The following PMEPA1 variants were observed in gnomAD, a reference collection of about 807,000 sequenced individuals.
PMEPA1 encodes the protein protein TMEPAI.
A neutral mutation model predicts 23.0 loss-of-function variants in PMEPA1; 11 were observed. That is an observed-to-expected ratio of 0.48 (90% CI 0.30 to 0.79). The LOEUF (loss-of-function observed/expected upper bound fraction) is 0.79, where lower values mean the gene tolerates loss of function less well. PMEPA1 is among the 30% of genes least tolerant of loss of function. The pLI is 0.06. For synonymous variants in PMEPA1, 204 were observed against 166.4 expected (o/e 1.23, Z -1.74); for missense variants, 377 against 390.9 (o/e 0.96, Z 0.30).
intron 1 of PMEPA1, among the ~76,000 whole-genome samples, chr20:57,693,054 G>A (rs1400837459): frequency 6.6e-6 from 1 of 152,208 alleles, no homozygotes; most frequent in East Asian, 1.9e-4. Flanking sequence ...GCAAAACCAC[G>A]ATGTTCACGC....
At chr20:57,678,153 AACAC>A (rs971351919) in intron 1 of PMEPA1, among the ~76,000 whole-genome samples, 9 of 152,136 alleles carry the variant, frequency 5.9e-5, no homozygotes, top group Non-Finnish European at 1.0e-4. Context: ...CATTGAACGA[AACAC>A]ACACACAGAC....
chr20:57,656,155 G>A lies in PMEPA1; in HGVS notation c.265-3069C>T, dbSNP rs1222276301. Among the ~76,000 whole-genome samples the A allele has an allele frequency of 1.3e-5, 2 of 151,198 alleles. No individual in the cohort carries two copies. Among genetic ancestry groups the A allele is most frequent in the African/African-American group, 4.9e-5 (2 of 41,230 alleles). On this transcript the variant is annotated intron_variant, in intron 2 of 3. Transcript: ENST00000341744. The surrounding 1 kb of genome is among the most constrained non-coding windows in gnomAD (Gnocchi z 4.7). ...AGATGTTTCTAAAGAATAAAGAGAT[G>A]TTCCTAAAAAATTCGGTACCTCCCA...
Position 57,709,605 on chromosome 20 carries a change from G to T in PMEPA1, c.-23C>A, listed in dbSNP as rs767243583. On this transcript the variant is annotated 5_prime_UTR_variant, in exon 1 of 4. Coordinates refer to ENST00000341744, the MANE Select transcript of PMEPA1 (RefSeq NM_020182.5). ...CATGGACGGCGCGGCGGCGCGGCGCGGGGCGCGGGGGGCTCGGGGGCGGCC... is the reference window on the plus strand; with the variant it reads ...CATGGACGGCGCGGCGGCGCGGCGCTGGGCGCGGGGGGCTCGGGGGCGGCC... 61 of 991,866 alleles carry T rather than the reference G, an allele frequency of 6.2e-5. No individual in the cohort carries two copies. The African/African-American group carries it at 1.0e-3, about 16-fold the overall frequency. The allele number at this position is 991,866 out of a possible 1,614,324, so 61.4% of individuals were successfully genotyped here. A position where few individuals can be genotyped will look rare whatever the true frequency, so the allele number is the denominator to read the frequency against.
intron 1 of PMEPA1, among the ~76,000 whole-genome samples, chr20:57,698,082 G>A (rs2071964909): frequency 6.6e-6 from 1 of 152,090 alleles, no homozygotes; most frequent in African/African-American, 2.4e-5. Flanking sequence ...GACTTGAAAC[G>A]TCTCTCCAGG....
chr20:57,668,055 G>A (rs6025713), intron 1 of PMEPA1, among the ~76,000 whole-genome samples: 62 of 152,122 alleles, frequency 4.1e-4, no homozygotes, highest in African/African-American at 1.4e-3. Context: ...CGGTTTTCTC[G>A]TTTTTAAAAC....
intron 1 of PMEPA1, among the ~76,000 whole-genome samples, chr20:57,665,507 C>CAA (rs77601752): frequency 0.057 from 4,905 of 85,960 alleles, 130 homozygotes; most frequent in African/African-American, 0.089. Context: ...CCTCATCTGT[C>CAA]AAAAAAAAAA....
intron 1 of PMEPA1, among the ~76,000 whole-genome samples, chr20:57,667,731 G>A (rs940524671): frequency 1.3e-5 from 2 of 152,182 alleles, no homozygotes; most frequent in Admixed American, 6.5e-5. Context: ...GATGAGACCC[G>A]CCTGGCGGGG....
chr20:57,710,337 C>A, upstream of PMEPA1: 2 of 1,029,582 alleles, frequency 1.9e-6, no homozygotes, highest in Non-Finnish European at 1.3e-6. Context: ...CCCCTCGCCC[C>A]CGTCCCTGGG....
In PMEPA1 at chr20:57,648,864, A is replaced by G. The variant is rs951717043; in HGVS notation, c.*3189T>C. 2 of 152,180 alleles carry G rather than the reference A, an allele frequency of 1.3e-5. No homozygotes were observed. The highest frequency in any genetic ancestry group is 4.8e-5 in the African/African-American group (2 of 41,440). 9.4% of individuals were successfully genotyped at this position (152,180 alleles called of 1,614,324 possible). On this transcript the variant is annotated 3_prime_UTR_variant, in exon 4 of 4. Transcript: ENST00000341744. ...AATTTCTCTGAAACGTACAATTCAT[A>G]GGGACGACCAATGAGGACAGGGAAT...
chr20:57,669,201 C>T (rs977222015), intron 1 of PMEPA1, among the ~76,000 whole-genome samples: 3 of 151,212 alleles, frequency 2.0e-5, no homozygotes, highest in East Asian at 1.9e-4. Flanking sequence ...CTCACTCTGT[C>T]GCCCAGGCTG....
rs1257273105 is a variant in PMEPA1 at position 57,649,217 on chromosome 20, GC to G, written c.*2835del. 1 of 152,182 alleles carries G rather than the reference GC, an allele frequency of 6.6e-6. No homozygotes were observed. The highest frequency in any genetic ancestry group is 1.9e-4 in the East Asian group (1 of 5,200). The allele number at this position is 152,182 out of a possible 1,614,324, so 9.4% of individuals were successfully genotyped here. A position where few individuals can be genotyped will look rare whatever the true frequency, so the allele number is the denominator to read the frequency against. ...ATCTAACTTCCTACTGGAAAAGAGG[GC>G]CTCCTCAGGAGCAGTCCAAGAGTTT... On this transcript the variant is annotated 3_prime_UTR_variant, in exon 4 of 4. Coordinates refer to ENST00000341744, the MANE Select transcript of PMEPA1 (RefSeq NM_020182.5).
At chr20:57,684,059 T>C (rs971897569) in intron 1 of PMEPA1, among the ~76,000 whole-genome samples, 2 of 151,996 alleles carry the variant, frequency 1.3e-5, no homozygotes, top group Non-Finnish European at 2.9e-5. Flanking sequence ...GGCTGATAGG[T>C]TAGACTCGCT....
At chr20:57,666,020 CG>C (rs1042530668) in intron 1 of PMEPA1, among the ~76,000 whole-genome samples, 8 of 151,830 alleles carry the variant, frequency 5.3e-5, no homozygotes, top group Non-Finnish European at 1.0e-4. Context: ...TTGGAGGGCC[CG>C]GGGGCTCCTG....
intron 1 of PMEPA1, among the ~76,000 whole-genome samples, chr20:57,697,201 A>G (rs1600670780): frequency 6.6e-6 from 1 of 152,198 alleles, no homozygotes; most frequent in African/African-American, 2.4e-5. Flanking sequence ...TCAGTCAGCC[A>G]TTTGTCTGCA....
chr20:57,677,882 T>C (rs997062986), intron 1 of PMEPA1, among the ~76,000 whole-genome samples: 1 of 152,234 alleles, frequency 6.6e-6, no homozygotes, highest in Non-Finnish European at 1.5e-5. Context: ...AGGAATGAAC[T>C]ACTGACACCT....
chr20:57,675,334 C>T (rs911296866), intron 1 of PMEPA1, among the ~76,000 whole-genome samples: 3 of 152,222 alleles, frequency 2.0e-5, no homozygotes, highest in African/African-American at 7.2e-5. Flanking sequence ...CAGCCCCGAC[C>T]CCTCCACCGG....
chr20:57,653,511 G>T (rs928604583), intron 2 of PMEPA1, among the ~76,000 whole-genome samples: 2 of 152,228 alleles, frequency 1.3e-5, no homozygotes, highest in Non-Finnish European at 2.9e-5. Flanking sequence ...TAATTTCAAC[G>T]CTGCAGTTTC....
chr20:57,699,949 C>A, intron 1 of PMEPA1: 1 of 452,802 alleles, frequency 2.2e-6, no homozygotes, highest in South Asian at 1.6e-5. Context: ...TTACATATAT[C>A]ATACATAAAA....
chr20:57,674,662 T>C (rs2146671738), intron 1 of PMEPA1, among the ~76,000 whole-genome samples: 1 of 152,364 alleles, frequency 6.6e-6, no homozygotes. Context: ...TGTCTTATTT[T>C]ATTTTCCATG....
Sources: allele counts gnomAD v4.1 joint callset (sites outside exome capture counted in the v4.1 genomes callset), GRCh38; gene constraint gnomAD v4.1.1; non-coding constraint Gnocchi (gnomAD v3.1); transcripts MANE v1.5; gene names NCBI Gene and HGNC (gene_info 2026-07-23, HGNC 2026-07-21).